QTGAL: variants seen among roughly 807,000 people sequenced by gnomAD.
QTGAL encodes the protein BGnT-like protein 1.
At chr17:83,013,958 T>C in the QTGAL span, among the ~76,000 whole-genome samples, 2 of 151,718 alleles carry the variant, frequency 1.3e-5, no homozygotes, top group Non-Finnish European at 2.9e-5. Flanking sequence ...CCATCTGCGG[T>C]GGGGGATGGA....
the QTGAL span, among the ~76,000 whole-genome samples, chr17:83,026,628 GCAGGA>G: frequency 3.0e-5 from 3 of 100,362 alleles, no homozygotes; most frequent in East Asian, 2.9e-4. Flanking sequence ...ACAGAGGAGG[GCAGGA>G]AGCCTGCAGA....
the QTGAL span, among the ~76,000 whole-genome samples, chr17:83,026,362 T>C: frequency 6.6e-6 from 1 of 152,234 alleles, no homozygotes; most frequent in Non-Finnish European, 1.5e-5. Flanking sequence ...AGCAAAAACC[T>C]GGTGGCAGCC....
chr17:82,992,374 A>T, the QTGAL span, among the ~76,000 whole-genome samples: 1 of 152,246 alleles, frequency 6.6e-6, no homozygotes, highest in Non-Finnish European at 1.5e-5. Flanking sequence ...TAGAAACTTT[A>T]CAGGTCAGTC....
At chr17:82,990,677 A>T in the QTGAL span, among the ~76,000 whole-genome samples, 1 of 152,218 alleles carries the variant, frequency 6.6e-6, no homozygotes, top group Middle Eastern at 3.2e-3. Flanking sequence ...CAAATTTCAG[A>T]ATTACAGCAC....
chr17:83,002,056 C>CT, the QTGAL span, among the ~76,000 whole-genome samples: 38,895 of 148,444 alleles, frequency 0.26, 5,056 homozygotes, highest in Non-Finnish European at 0.27. Flanking sequence ...GCCACTGCGC[C>CT]TTTTTTTTTT....
chr17:83,030,074 T>C, the QTGAL span, among the ~76,000 whole-genome samples: 1 of 152,040 alleles, frequency 6.6e-6, no homozygotes, highest in Non-Finnish European at 1.5e-5. Context: ...CGTGAACAAA[T>C]GAGGAGAATG....
At chr17:83,021,986 G>C in the QTGAL span, among the ~76,000 whole-genome samples, 13 of 152,106 alleles carry the variant, frequency 8.5e-5, 1 homozygote, top group South Asian at 1.5e-3. Flanking sequence ...GGAAAAACCG[G>C]ACATCATCCA....
the QTGAL span, among the ~76,000 whole-genome samples, chr17:83,020,658 G>A: frequency 6.6e-6 from 1 of 152,202 alleles, no homozygotes; most frequent in African/African-American, 2.4e-5. Flanking sequence ...CCCCAGGGGA[G>A]GTGATGGCCA....
chr17:83,006,876 C>T, the QTGAL span: 7 of 931,508 alleles, frequency 7.5e-6, no homozygotes, highest in Non-Finnish European at 9.0e-6. This position sits in a 1 kb window ranked among gnomAD's most constrained non-coding sequence, Gnocchi z 5.8. Flanking sequence ...GGTCACAGAA[C>T]AGTTACATGT....
At chr17:82,968,060 G>A in the QTGAL span, among the ~76,000 whole-genome samples, 1 of 152,240 alleles carries the variant, frequency 6.6e-6, no homozygotes, top group African/African-American at 2.4e-5. Context: ...CTCTTAGAGA[G>A]TTAAACACAG....
At chr17:82,943,478 GC>G in the QTGAL span, 8,806 of 152,322 alleles carry the variant, frequency 0.058, 419 homozygotes, top group African/African-American at 0.13. Flanking sequence ...TATGTGAGGA[GC>G]CCAGGGGTGC....
At chr17:83,041,182 G>A in the QTGAL span, among the ~76,000 whole-genome samples, 99,738 of 151,988 alleles carry the variant, frequency 0.66, 33,071 homozygotes, top group East Asian at 0.76. Flanking sequence ...AGATAGATGG[G>A]TAAGTCTGAA....
chr17:83,051,260 G>T, the QTGAL span, among the ~76,000 whole-genome samples: 57,671 of 122,004 alleles, frequency 0.47, 11,235 homozygotes, highest in East Asian at 0.64. Flanking sequence ...GTGAGGTGCG[G>T]GGGCAGGTGC....
At chr17:82,944,228 T>A in the QTGAL span, 6 of 151,998 alleles carry the variant, frequency 3.9e-5, no homozygotes, top group African/African-American at 1.4e-4. Context: ...CGGTCTAACT[T>A]AGCAACCCGA....
the QTGAL span, among the ~76,000 whole-genome samples, chr17:82,960,700 C>T: frequency 2.0e-5 from 3 of 152,146 alleles, no homozygotes; most frequent in Non-Finnish European, 2.9e-5. Context: ...GGCAGCTGCG[C>T]CCCCCAGGCC....
the QTGAL span, chr17:82,945,324 G>T: frequency 6.6e-6 from 1 of 152,350 alleles, no homozygotes; most frequent in South Asian, 2.1e-4. Context: ...GTCTCAGAAT[G>T]AAATGAAATG....
At chr17:83,049,495 C>T in the QTGAL span, among the ~76,000 whole-genome samples, 3 of 149,550 alleles carry the variant, frequency 2.0e-5, no homozygotes, top group African/African-American at 7.4e-5. Context: ...TCACTGCAAG[C>T]TCTGCCTCCC....
the QTGAL span, among the ~76,000 whole-genome samples, chr17:82,984,338 A>ACGGGGAGAGGCCACAGAAGGACG: frequency 9.7e-6 from 1 of 102,910 alleles, no homozygotes; most frequent in Non-Finnish European, 1.9e-5. Flanking sequence ...ACGTGAGCAC[A>ACGGGGAGAGGCCACAGAAGGACG]CGGGGAGAGG....
chr17:83,005,514 C>A, the QTGAL span: 1 of 691,568 alleles, frequency 1.4e-6, no homozygotes, highest in African/African-American at 1.8e-5. The surrounding 1 kb of genome is among the most constrained non-coding windows in gnomAD (Gnocchi z 5.6). Flanking sequence ...GATGACATTT[C>A]CCCTTAATGA....
Sources: allele counts gnomAD v4.1 joint callset (sites outside exome capture counted in the v4.1 genomes callset), GRCh38; gene constraint gnomAD v4.1.1; non-coding constraint Gnocchi (gnomAD v3.1); transcripts MANE v1.5; gene names NCBI Gene and HGNC (gene_info 2026-07-23, HGNC 2026-07-21).